The following SOS1 variants were observed in gnomAD, a reference collection of about 807,000 sequenced individuals.
SOS1 encodes SOS Ras/Rac guanine nucleotide exchange factor 1, also known as son of sevenless homolog 1.
In SOS1, 25 loss-of-function variants were observed where a neutral mutation model predicts 157.6. That is an observed-to-expected ratio of 0.16 (90% confidence interval 0.12 to 0.22). The LOEUF (loss-of-function observed/expected upper bound fraction) is 0.22. Ranked by LOEUF, SOS1 falls within the 10% of genes least tolerant of loss-of-function variation. The pLI, the probability that SOS1 is intolerant of heterozygous loss-of-function variation, is 1.00. For missense variants in SOS1, 1,237 were observed against 1,599.1 expected (o/e 0.77, Z 3.86); for synonymous variants, 528 against 534.0 (o/e 0.99, Z 0.16).
Position 39,115,589 on chromosome 2 carries a change from A to T in SOS1, c.87+4747T>A, listed in dbSNP as rs189662034. On this transcript the variant is annotated intron_variant, in intron 1 of 22. Transcript: ENST00000402219. ...GCCACCACACCTGGCTAATTTTTTT[A>T]AATGTTTTGGCTAATTTTTTAAGTT... Among the ~76,000 whole-genome samples, 375 of 151,176 alleles carry T rather than the reference A, an allele frequency of 2.5e-3. 1 individual carries two copies. The highest frequency in any genetic ancestry group is 4.3e-3 in the Non-Finnish European group (291 of 67,754).
At chr2:39,019,000 C>T (rs778083033) in intron 10 of SOS1, among the ~76,000 whole-genome samples, 6 of 151,748 alleles carry the variant, frequency 4.0e-5, no homozygotes, top group South Asian at 2.1e-4. Flanking sequence ...TAAGTTAAAA[C>T]ACCGAAACTG....
chr2:39,092,498 A>T (rs191078424), intron 1 of SOS1, among the ~76,000 whole-genome samples: 2 of 152,076 alleles, frequency 1.3e-5, no homozygotes, highest in Admixed American at 1.3e-4. Context: ...CTCAGACCCT[A>T]CTTATCACAA....
chr2:39,073,101 T>G (rs1303231207), intron 1 of SOS1, among the ~76,000 whole-genome samples: 1 of 152,218 alleles, frequency 6.6e-6, no homozygotes, highest in South Asian at 2.1e-4. Context: ...AAGTGCTCCA[T>G]TCCATCATAA....
intron 17 of SOS1, among the ~76,000 whole-genome samples, chr2:39,003,711 C>G (rs1053263361): frequency 1.4e-4 from 21 of 152,152 alleles, no homozygotes; most frequent in Non-Finnish European, 4.4e-5. Context: ...GCATCCCCCC[C>G]CACTCAAACT....
In SOS1 at chr2:38,984,246, T is replaced by C. The variant is rs1668485803; in HGVS notation, c.*1578A>G. ...CTCTCTAAGGATGGAATACTGCACA[T>C]TTCACAGACATTATAGTGGAGATTA... is the stretch of plus-strand genomic sequence containing the variant. On this transcript the variant is annotated 3_prime_UTR_variant, in exon 23 of 23. Transcript: ENST00000402219. The C allele has an allele frequency of 6.6e-6, 1 of 152,142 alleles. No homozygotes were observed. Among genetic ancestry groups the C allele is most frequent in the Non-Finnish European group, 1.5e-5 (1 of 68,032 alleles). 9.4% of individuals were successfully genotyped at this position (152,142 alleles called of 1,614,324 possible).
At chr2:39,114,748 C>T (rs1424606883) in intron 1 of SOS1, among the ~76,000 whole-genome samples, 1 of 152,140 alleles carries the variant, frequency 6.6e-6, no homozygotes, top group African/African-American at 2.4e-5. Context: ...AGGCGTGCAC[C>T]ACCACGTCAG....
At chr2:38,993,488 A>G (rs1668795561) in intron 20 of SOS1, 1 of 152,208 alleles carries the variant, frequency 6.6e-6, no homozygotes, top group South Asian at 2.1e-4. Context: ...GCCCAAAGAC[A>G]ACAAAGACTA....
intron 6 of SOS1, among the ~76,000 whole-genome samples, chr2:39,048,773 T>C (rs1238349055): frequency 6.6e-6 from 1 of 152,202 alleles, no homozygotes; most frequent in Admixed American, 6.5e-5. Flanking sequence ...TTATTTTTAT[T>C]TGTCCTGAAC....
intron 1 of SOS1, among the ~76,000 whole-genome samples, chr2:39,104,885 A>T (rs1320792260): frequency 6.6e-6 from 1 of 152,228 alleles, no homozygotes; most frequent in Non-Finnish European, 1.5e-5. Context: ...GACAGAAAGT[A>T]GATTAGAAGT....
chr2:39,057,253 A>T (rs1305309135), intron 3 of SOS1, among the ~76,000 whole-genome samples: 1 of 152,158 alleles, frequency 6.6e-6, no homozygotes, highest in Non-Finnish European at 1.5e-5. Context: ...TTAATATATT[A>T]TTGGTATCTA....
intron 2 of SOS1, among the ~76,000 whole-genome samples, chr2:39,064,742 A>ATTTTTTTTTTT (rs4015841): frequency 6.0e-4 from 45 of 74,822 alleles, no homozygotes; most frequent in East Asian, 8.8e-4. Flanking sequence ...TTTAAAATAC[A>ATTTTTTTTTTT]TTTTTTTTTT....
At chr2:39,041,175 CAGCCCCCGAGT>C (rs963027920) in intron 6 of SOS1, among the ~76,000 whole-genome samples, 4 of 152,156 alleles carry the variant, frequency 2.6e-5, no homozygotes, top group Non-Finnish European at 4.4e-5. Flanking sequence ...CCTCCCACCT[CAGCCCCCGAGT>C]AGCTGAGACC....
intron 11 of SOS1, 78 bp downstream of exon 11, chr2:39,014,687 C>G: frequency 1.3e-6 from 1 of 754,554 alleles, no homozygotes; most frequent in South Asian, 1.8e-5. Flanking sequence ...GCTCATCTAA[C>G]ATTTCTGAAA....
intron 2 of SOS1, among the ~76,000 whole-genome samples, chr2:39,065,147 A>T (rs1358543603): frequency 1.3e-5 from 2 of 151,912 alleles, no homozygotes; most frequent in Non-Finnish European, 2.9e-5. Context: ...TGCTAAATTT[A>T]GGGCCCTTAT....
intron 6 of SOS1, among the ~76,000 whole-genome samples, chr2:39,039,205 A>G (rs144605483): frequency 2.0e-5 from 3 of 152,362 alleles, no homozygotes; most frequent in Non-Finnish European, 2.9e-5. Flanking sequence ...TTTTATATGC[A>G]CTGTAAGCCA....
intron 6 of SOS1, among the ~76,000 whole-genome samples, chr2:39,047,909 C>A (rs1453811989): frequency 6.6e-6 from 1 of 152,200 alleles, no homozygotes; most frequent in African/African-American, 2.4e-5. Context: ...CTCAAGTGAT[C>A]CACTGACCTC....
At chr2:39,004,191 G>A (rs1040835056) in intron 17 of SOS1, among the ~76,000 whole-genome samples, 10 of 151,992 alleles carry the variant, frequency 6.6e-5, no homozygotes, top group Non-Finnish European at 1.5e-4. Context: ...CAAGGTGGGC[G>A]GATCATGAAG....
At chr2:39,076,600 A>T (rs568028225) in intron 1 of SOS1, among the ~76,000 whole-genome samples, 35 of 152,322 alleles carry the variant, frequency 2.3e-4, no homozygotes, top group African/African-American at 7.9e-4. Flanking sequence ...TAACAAATAT[A>T]CAAGCAAAAA....
chr2:39,075,260 A>G (rs958877224), intron 1 of SOS1, among the ~76,000 whole-genome samples: 10 of 152,168 alleles, frequency 6.6e-5, no homozygotes, highest in Admixed American at 3.3e-4. Context: ...TTGGATAACT[A>G]TTTTTTTGGG....
Sources: allele counts gnomAD v4.1 joint callset (sites outside exome capture counted in the v4.1 genomes callset), GRCh38; gene constraint gnomAD v4.1.1; transcripts MANE v1.5; gene names NCBI Gene and HGNC (gene_info 2026-07-23, HGNC 2026-07-21).